The following MYOM3 variants were observed in gnomAD, a reference collection of about 807,000 sequenced individuals.
The protein encoded by MYOM3 is myomesin 3.
Under a neutral mutation model 191.7 loss-of-function variants are expected in MYOM3, and 155 were observed. That is an observed-to-expected ratio of 0.81 (90% CI 0.71 to 0.92). The LOEUF (loss-of-function observed/expected upper bound fraction) is 0.92. Ranked by LOEUF, MYOM3 falls within the 40% of genes least tolerant of loss-of-function variation. The probability of loss-of-function intolerance (pLI) is 0.00; values close to 1 mark genes in which losing one functional copy is unlikely to be tolerated. For synonymous variants in MYOM3, 757 were observed against 762.9 expected (o/e 0.99, Z 0.13); for missense variants, 1,889 against 1,890.6 (o/e 1.00, Z 0.02).
Position 24,093,125 on chromosome 1 carries a change from G to A in MYOM3, c.929-17C>T, listed in dbSNP as rs756224140. 8.8e-6 allele frequency: 14 copies of A among 1,599,352 alleles called. No individual in the cohort carries two copies. The highest frequency in any genetic ancestry group is 1.2e-5 in the Non-Finnish European group (14 of 1,177,330). ...GTAGGCTCCCTGTGGAGGGGAAGTG[G>A]GGGGCCATTGAGTTTGTGGGGGGTC... On this transcript the variant is annotated splice_polypyrimidine_tract_variant and intron_variant, in intron 9 of 36. Transcript: ENST00000374434.
intron 20 of MYOM3, among the ~76,000 whole-genome samples, chr1:24,078,528 C>A (rs1428847181): frequency 6.6e-6 from 1 of 152,212 alleles, no homozygotes; most frequent in Non-Finnish European, 1.5e-5. Context: ...CTTCTTGAGC[C>A]TGCCTTCTTT....
rs536842792 is a variant in MYOM3, at chr1:24,082,020, A to G, written c.2261T>C (p.Ile754Thr). 6.8e-6 allele frequency: 11 copies of G among 1,610,932 alleles called. No individual in the cohort carries two copies. The South Asian group carries it at 1.2e-4, about 18-fold the overall frequency. ...CCCTACCTTGCAGACCCGGGTGGGG[A>G]TGGGCTGCTGATTGACCGCATGCCA... ...LDWHAVNQQP[I>T]PTRVCKVSDL... The change falls in exon 18 of 37, where the codon ATC (isoleucine) becomes ACC (threonine). Residue 754 changes from isoleucine (I) to threonine (T), a missense_variant. By Grantham distance (89) the Ile-to-Thr change is moderately conservative. Coordinates refer to ENST00000374434, the MANE Select transcript of MYOM3 (RefSeq NM_152372.4).
chr1:24,068,517 C>T lies in MYOM3; in HGVS notation c.3151-150G>A. ...GGCCGTTGGGTAACCCTCTGCTGCTCCCCCCACACCTAGTCCCCCGGGGTG... is the reference window on the plus strand; with the variant it reads ...GGCCGTTGGGTAACCCTCTGCTGCTTCCCCCACACCTAGTCCCCCGGGGTG... On this transcript the variant is annotated intron_variant, in intron 25 of 36. Transcript: ENST00000374434. 1.4e-5 allele frequency: 11 copies of T among 791,108 alleles called. No homozygotes were observed. In the South Asian group the frequency reaches 1.6e-4, roughly 11 times the overall value. 49.0% of individuals were successfully genotyped at this position (791,108 alleles called of 1,614,324 possible).
At chr1:24,073,169 G>C (rs1047645764) in intron 23 of MYOM3, among the ~76,000 whole-genome samples, 1 of 152,192 alleles carries the variant, frequency 6.6e-6, no homozygotes, top group African/African-American at 2.4e-5. Context: ...AGGAAACTGA[G>C]GCCCAGGAAG....
In MYOM3 at chr1:24,062,070, G is replaced by C. The variant is rs769025010; in HGVS notation, c.3810C>G (p.Gly1270=). 6 of 1,614,158 alleles carry C rather than the reference G, an allele frequency of 3.7e-6. No homozygotes were observed. The highest frequency in any genetic ancestry group is 5.1e-6 in the Non-Finnish European group (6 of 1,180,032). ...RLESGDRIRT[G]TTLDEIWLHI... is the part of the protein sequence containing the mutation. ...GAAGCCAGATCTCATCCAGGGTGGT[G>C]CCCGTCCTTATCCGATCACCACTCT... is the stretch of plus-strand genomic sequence containing the variant. Residue 1270 remains glycine (G), a synonymous_variant, in exon 33 of 37, where the codon GGC becomes GGG. Transcript: ENST00000374434.
intron 20 of MYOM3, among the ~76,000 whole-genome samples, chr1:24,076,886 A>G (rs970090638): frequency 1.3e-5 from 2 of 151,722 alleles, no homozygotes; most frequent in African/African-American, 4.9e-5. Flanking sequence ...CAGTGGCGCA[A>G]TCTCTGCCCA....
At chr1:24,079,169 A>G (rs1055310701) in intron 20 of MYOM3, among the ~76,000 whole-genome samples, 3 of 152,124 alleles carry the variant, frequency 2.0e-5, no homozygotes, top group Non-Finnish European at 4.4e-5. Context: ...TAGGATGGAT[A>G]TCTTTTTGTG....
Position 24,082,203 on chromosome 1 carries a change from G to A in MYOM3, c.2093-15C>T, listed in dbSNP as rs868477380. On this transcript the variant is annotated splice_polypyrimidine_tract_variant and intron_variant, in intron 17 of 36. Coordinates refer to ENST00000374434, the MANE Select transcript of MYOM3 (RefSeq NM_152372.4). Reference sequence around the variant, plus strand: ...AGACGGGGTAGCTACAGGGAGGTAAGGAGGTGAGGACAGCTGCTCCCTAGG... The same window carrying A: ...AGACGGGGTAGCTACAGGGAGGTAAAGAGGTGAGGACAGCTGCTCCCTAGG... 3.8e-6 allele frequency: 6 copies of A among 1,591,854 alleles called. No individual in the cohort carries two copies. Among genetic ancestry groups the A allele is most frequent in the Non-Finnish European group, 5.1e-6 (6 of 1,168,770 alleles).
At chr1:24,089,493 C>T (rs199905060) in intron 14 of MYOM3, 45 bp downstream of exon 14, 20 of 1,558,458 alleles carry the variant, frequency 1.3e-5, no homozygotes, top group Non-Finnish European at 1.6e-5. Flanking sequence ...CACAGCACAT[C>T]TGTTTCTCAG....
chr1:24,099,826 G>C, intron 5 of MYOM3, 51 bp from the exon 6 acceptor site: 1 of 1,352,188 alleles, frequency 7.4e-7, no homozygotes, highest in Admixed American at 1.7e-5. Context: ...AAGCGGGAGG[G>C]GTCTGGAGCC....
At chr1:24,108,123 G>T (rs766418772) in intron 2 of MYOM3, 50 bp from the exon 3 acceptor site, 4 of 1,566,530 alleles carry the variant, frequency 2.6e-6, no homozygotes, top group Non-Finnish European at 1.7e-6. Context: ...TTGGCTGGGG[G>T]CTCCCTGAGA....
intron 19 of MYOM3, among the ~76,000 whole-genome samples, 196 bp from the exon 20 acceptor site, chr1:24,080,390 A>C (rs1314894027): frequency 1.3e-5 from 2 of 152,172 alleles, no homozygotes; most frequent in Non-Finnish European, 2.9e-5. Flanking sequence ...CTGGGCCTGA[A>C]ACCACGGTTA....
chr1:24,084,026 C>A (rs143503463), intron 16 of MYOM3: 377 of 178,064 alleles, frequency 2.1e-3, no homozygotes, highest in African/African-American at 7.8e-3. Context: ...CATTATGGCC[C>A]CCTTTCAAGG....
chr1:24,066,053 T>TA lies in MYOM3; in HGVS notation c.3424-53dup, dbSNP rs778865522. The TA allele has an allele frequency of 9.5e-6, 11 of 1,160,236 alleles. No homozygotes were observed. The East Asian group carries it at 2.6e-4, about 27-fold the overall frequency. The allele number at this position is 1,160,236 out of a possible 1,614,324, so 71.9% of individuals were successfully genotyped here. A position where few individuals can be genotyped will look rare whatever the true frequency, so the allele number is the denominator to read the frequency against. Reference sequence around the variant, plus strand: ...TCTGTCAGGCTTGTTTCTTTTTGAGTAAAAACACACCTGTGCACACTTTCA... The same window carrying TA: ...TCTGTCAGGCTTGTTTCTTTTTGAGTAAAAAACACACCTGTGCACACTTTCA... On this transcript the variant is annotated intron_variant, in intron 28 of 36. Coordinates refer to ENST00000374434, the MANE Select transcript of MYOM3 (RefSeq NM_152372.4).
At chr1:24,062,294 A>G (rs1291093530) in intron 32 of MYOM3, among the ~76,000 whole-genome samples, 185 bp from the exon 33 acceptor site, 1 of 152,158 alleles carries the variant, frequency 6.6e-6, no homozygotes, top group Non-Finnish European at 1.5e-5. Context: ...CTCATTCAAT[A>G]CTGCATTCAT....
At chr1:24,075,125 A>T (rs1485204246) in intron 22 of MYOM3, among the ~76,000 whole-genome samples, 194 bp downstream of exon 22, 1 of 152,142 alleles carries the variant, frequency 6.6e-6, no homozygotes, top group Non-Finnish European at 1.5e-5. Context: ...AAATAGCACC[A>T]TTGCAGCCGC....
At chr1:24,073,764 C>T (rs774726983) in intron 23 of MYOM3, among the ~76,000 whole-genome samples, 1 of 149,686 alleles carries the variant, frequency 6.7e-6, no homozygotes, top group Non-Finnish European at 1.5e-5. Flanking sequence ...TTGGGAGGCT[C>T]AGGCAGGAGA....
chr1:24,084,451 C>A lies in MYOM3; in HGVS notation c.1970+17G>T. 3 of 1,613,656 alleles carry A rather than the reference C, an allele frequency of 1.9e-6. No homozygotes were observed. Among genetic ancestry groups the A allele is most frequent in the Non-Finnish European group, 2.5e-6 (3 of 1,179,620 alleles). ...ATAGCAGTGTGAGAACAGACTGATACGGGTGGGCAGACGTACCTGGTGCCT... is the reference window on the plus strand; with the variant it reads ...ATAGCAGTGTGAGAACAGACTGATAAGGGTGGGCAGACGTACCTGGTGCCT... On this transcript the variant is annotated intron_variant, in intron 16 of 36. Transcript: ENST00000374434.
At chr1:24,069,833 A>G (rs535790403) in intron 25 of MYOM3, among the ~76,000 whole-genome samples, 2 of 150,462 alleles carry the variant, frequency 1.3e-5, no homozygotes, top group African/African-American at 4.9e-5. Context: ...CTGGTCTTGA[A>G]CTCCTGACCT....
Sources: gnomAD v4.1 joint callset for allele counts (sites outside exome capture counted in the v4.1 genomes callset) on GRCh38, gnomAD v4.1.1 for gene constraint, MANE v1.5 for transcripts, NCBI Gene and HGNC (gene_info 2026-07-23, HGNC 2026-07-21) for gene names.